The following ZXDC variants were observed in gnomAD, a reference collection of about 807,000 sequenced individuals.
ZXDC encodes zinc finger protein ZXDC.
ZXDC carries 58 observed loss-of-function variants against 63.6 expected under a neutral mutation model. The observed-to-expected ratio is 0.91, with a 90% CI of 0.74 to 1.13. The LOEUF (loss-of-function observed/expected upper bound fraction) is 1.13. Among genes scored for constraint, ZXDC ranks in the 50% most tolerant of loss-of-function variants. The pLI, the probability that ZXDC is intolerant of heterozygous loss-of-function variation, is 0.00. For missense variants in ZXDC, 1,133 were observed against 1,148.9 expected, an observed-to-expected ratio of 0.99 and a Z score of 0.20; for synonymous variants, 561 against 496.1, an observed-to-expected ratio of 1.13 and a Z score of -1.74.
chr3:126,453,337 G>A (rs947450331), intron 7 of ZXDC: 9 of 985,274 alleles, frequency 9.1e-6, no homozygotes, highest in Non-Finnish European at 1.1e-5. Flanking sequence ...TCCCCTTAAG[G>A]ATATGTTTTC....
intron 7 of ZXDC, chr3:126,450,977 C>T (rs2107636456): frequency 3.7e-6 from 1 of 269,228 alleles, no homozygotes; most frequent in South Asian, 1.4e-4. Flanking sequence ...GAGGTAGGCA[C>T]ACACTTAACC....
intron 7 of ZXDC, among the ~76,000 whole-genome samples, chr3:126,446,368 T>C (rs1933882216): frequency 1.3e-5 from 2 of 152,176 alleles, no homozygotes; most frequent in Admixed American, 1.3e-4. Flanking sequence ...TCAGCTCCCA[T>C]CATCTGCGGT....
At chr3:126,448,786 G>C (rs908378699) in intron 7 of ZXDC, among the ~76,000 whole-genome samples, 4 of 152,228 alleles carry the variant, frequency 2.6e-5, no homozygotes, top group African/African-American at 9.6e-5. Flanking sequence ...AAACTCCCAC[G>C]GAAGCAGAGC....
chr3:126,438,022 C>T lies in ZXDC; in HGVS notation c.*353G>A, dbSNP rs1016144872. On this transcript the variant is annotated 3_prime_UTR_variant, in exon 10 of 10. Transcript: ENST00000389709. ...GCTGCATCTGACTAGACAGCCTGTTCTCTACCCTATTTCCTGCAGAAGTCT... is the reference window on the plus strand; with the variant it reads ...GCTGCATCTGACTAGACAGCCTGTTTTCTACCCTATTTCCTGCAGAAGTCT... 3.5e-6 allele frequency: 1 copy of T among 286,578 alleles called. No individual in the cohort carries two copies. The highest frequency in any genetic ancestry group is 6.7e-6 in the Non-Finnish European group (1 of 149,354). The allele number at this position is 286,578 out of a possible 1,614,324, so 17.8% of individuals were successfully genotyped here.
At position 126,444,163 on chromosome 3, in the gene ZXDC, G is replaced by A. The variant is rs986674280; in HGVS notation, c.2213-2217C>T. Among the ~76,000 whole-genome samples the A allele has an allele frequency of 4.1e-4, 63 of 152,298 alleles. 1 individual carries two copies. The highest frequency in any genetic ancestry group is 7.0e-4 in the African/African-American group (29 of 41,542). On this transcript the variant is annotated intron_variant, in intron 7 of 9. Transcript: ENST00000389709. The stretch of plus-strand genomic sequence containing the variant: ...GGCCGGTGCTGCAGCCAGAACAGTC[G>A]CATTACGCTTGCTTTCTAATAAAAG...
At chr3:126,444,433 G>A (rs1451642647) in intron 7 of ZXDC, among the ~76,000 whole-genome samples, 2 of 152,052 alleles carry the variant, frequency 1.3e-5, no homozygotes, top group South Asian at 2.1e-4. Context: ...TCGGGAGGCT[G>A]AGGCAGGAGA....
Position 126,474,982 on chromosome 3 carries a change from C to G in ZXDC, c.884G>C (p.Arg295Pro). Residue 295 changes from arginine (R) to proline (P), a missense_variant, in exon 1 of 10, where the codon CGC (arginine) becomes CCC (proline). Coordinates refer to ENST00000389709, the MANE Select transcript of ZXDC (RefSeq NM_025112.5). ...ACCGGGAAAGTCACACTTGTAAGGG[C>G]GCTCGGGCTCGAAGTGGCTGCGCTG... Reference protein sequence around the residue: ...SHQRSHFEPERPYKCDFPGCE... With the variant: ...SHQRSHFEPEPPYKCDFPGCE... The G allele has an allele frequency of 1.9e-6, 3 of 1,588,226 alleles. No individual in the cohort carries two copies. Among genetic ancestry groups the G allele is most frequent in the Non-Finnish European group, 2.6e-6 (3 of 1,167,772 alleles).
At chr3:126,450,335 C>G in intron 7 of ZXDC, 1 of 456,730 alleles carries the variant, frequency 2.2e-6, no homozygotes, top group Non-Finnish European at 4.4e-6. Flanking sequence ...GAGCAGACAG[C>G]TCCCACTTCG....
At position 126,439,661 on chromosome 3, in the gene ZXDC, TGAGGAAGGG is replaced by T. The variant is rs747026952; in HGVS notation, c.2452_2460del (p.Pro818_Leu820del). On this transcript the variant is annotated inframe_deletion, in exon 9 of 10. Transcript: ENST00000389709. ...AGGACGTAGACGGGCAGGTCCACAG[TGAGGAAGGG>T]GAGGAAGGTGGCTGGGCCGCGGGCC... The T allele has an allele frequency of 3.9e-6, 6 of 1,553,186 alleles. No individual in the cohort carries two copies. Among genetic ancestry groups the T allele is most frequent in the East Asian group, 2.4e-5 (1 of 41,252 alleles).
chr3:126,441,729 G>A (rs374626774), intron 8 of ZXDC, 36 bp downstream of exon 8: 186 of 1,533,416 alleles, frequency 1.2e-4, no homozygotes, highest in Non-Finnish European at 1.5e-4. Flanking sequence ...CTCCCACCCC[G>A]CCTACAGCTG....
At chr3:126,472,517 C>CCTGTGTGCAATAGGCA (rs1935019297) in intron 1 of ZXDC, among the ~76,000 whole-genome samples, 1 of 152,186 alleles carries the variant, frequency 6.6e-6, no homozygotes, top group Non-Finnish European at 1.5e-5. Context: ...CACACGCTGG[C>CCTGTGTGCAATAGGCA]CACCTGTTGC....
intron 7 of ZXDC, chr3:126,458,839 C>T: frequency 1.0e-6 from 1 of 985,372 alleles, no homozygotes; most frequent in Non-Finnish European, 1.2e-6. Context: ...GGTGTCCCTT[C>T]CTAAGTCACA....
chr3:126,441,975 CCAATCTA>C, intron 7 of ZXDC, 29 bp from the exon 8 acceptor site: 1 of 1,563,164 alleles, frequency 6.4e-7, no homozygotes, highest in Non-Finnish European at 8.7e-7. Flanking sequence ...ACGAGCACAC[CCAATCTA>C]CAATCTACCA....
intron 1 of ZXDC, 130 bp downstream of exon 1, chr3:126,474,829 G>A: frequency 9.0e-7 from 1 of 1,107,168 alleles, no homozygotes; most frequent in South Asian, 1.6e-5. Flanking sequence ...GAAGGAGCTA[G>A]AATACAAATC....
intron 5 of ZXDC, among the ~76,000 whole-genome samples, chr3:126,464,539 C>T (rs1934679490): frequency 6.6e-6 from 1 of 152,142 alleles, no homozygotes; most frequent in Non-Finnish European, 1.5e-5. Context: ...ACAAATAAGT[C>T]ATTGTCACAC....
rs1224591724 is a variant in ZXDC, at chr3:126,459,597, A to G, written c.2212+56T>C. ...CTGCTGTGTTTCTTCTGCCAGTAACAGTGACAGAGAACCCTCAGGCCCTTG... is the reference window on the plus strand; with the variant it reads ...CTGCTGTGTTTCTTCTGCCAGTAACGGTGACAGAGAACCCTCAGGCCCTTG... On this transcript the variant is annotated intron_variant, in intron 7 of 9. Coordinates refer to ENST00000389709, the MANE Select transcript of ZXDC (RefSeq NM_025112.5). 5 of 1,612,264 alleles carry G rather than the reference A, an allele frequency of 3.1e-6. No individual in the cohort carries two copies. The African/African-American group carries it at 6.7e-5, about 22-fold the overall frequency.
intron 7 of ZXDC, chr3:126,458,777 C>A (rs1331962777): frequency 4.1e-6 from 4 of 985,296 alleles, no homozygotes; most frequent in Non-Finnish European, 4.8e-6. Flanking sequence ...CACCACCACA[C>A]TTCCTTCTAT....
At chr3:126,452,530 A>G in intron 7 of ZXDC, 1 of 985,452 alleles carries the variant, frequency 1.0e-6, no homozygotes, top group South Asian at 4.7e-5. Flanking sequence ...AATCAAATAC[A>G]GGATTTGTTG....
chr3:126,464,224 C>T (rs1422773301), intron 5 of ZXDC, among the ~76,000 whole-genome samples: 1 of 152,216 alleles, frequency 6.6e-6, no homozygotes, highest in Non-Finnish European at 1.5e-5. Flanking sequence ...CAGATATTAA[C>T]ACAATCACTA....
Sources: allele counts gnomAD v4.1 joint callset (sites outside exome capture counted in the v4.1 genomes callset), GRCh38; gene constraint gnomAD v4.1.1; transcripts MANE v1.5; gene names NCBI Gene and HGNC (gene_info 2026-07-23, HGNC 2026-07-21).